The following KCNT1 variants were observed in gnomAD, a reference collection of about 807,000 sequenced individuals.
The protein encoded by KCNT1 is potassium sodium-activated channel subfamily T member 1, also known as potassium channel subfamily T member 1.
Under a neutral mutation model 147.8 loss-of-function variants are expected in KCNT1, and 78 were observed. The observed-to-expected ratio is 0.53, with a 90% CI of 0.44 to 0.64. KCNT1 has a LOEUF of 0.64. KCNT1 is among the 30% of genes least tolerant of loss of function. The pLI is 0.00. For synonymous variants in KCNT1, 867 were observed against 748.8 expected (o/e 1.16, Z -2.58); for missense variants, 1,419 against 1,750.3 (o/e 0.81, Z 3.38).
In KCNT1 at chr9:135,752,595, TGATG is replaced by T. The variant is rs1306168436; in HGVS notation, c.435-1332_435-1329del. On this transcript the variant is annotated intron_variant, in intron 4 of 30. Coordinates refer to ENST00000371757, the MANE Select transcript of KCNT1 (RefSeq NM_020822.3). This position sits in a 1 kb window ranked among gnomAD's most constrained non-coding sequence, Gnocchi z 5.1. ...GGATGGGGGTGGGAAGATGGGTGGA[TGATG>T]GATGGATGGTTGGATGGATGGTGGA... The T allele has an allele frequency of 2.5e-5, 9 of 354,368 alleles. No homozygotes were observed. Among genetic ancestry groups the T allele is most frequent in the South Asian group, 1.7e-4 (8 of 47,792 alleles). The allele number at this position is 354,368 out of a possible 1,614,324, so 22.0% of individuals were successfully genotyped here.
rs1375293898 is a variant in KCNT1 at position 135,714,570 on chromosome 9, C to G, written c.111-7C>G. ...GCGGGCTGAGGGGCGCTGGCGTGTG[C>G]CCGCAGGCGGCCCTGCGCGGGGGAC... On this transcript the variant is annotated splice_polypyrimidine_tract_variant and splice_region_variant and intron_variant, in intron 1 of 30. Transcript: ENST00000371757. This position sits in a 1 kb window ranked among gnomAD's most constrained non-coding sequence, Gnocchi z 6.2. The G allele has an allele frequency of 2.4e-6, 3 of 1,267,150 alleles. No individual in the cohort carries two copies. The South Asian group carries it at 5.5e-5, about 23-fold the overall frequency. The allele number at this position is 1,267,150 out of a possible 1,614,324, so 78.5% of individuals were successfully genotyped here. A position where few individuals can be genotyped will look rare whatever the true frequency, so the allele number is the denominator to read the frequency against.
intron 7 of KCNT1, 42 bp downstream of exon 7, chr9:135,756,974 CCCTCCCCACCCTCCCCAG>C (rs749258231): frequency 8.6e-6 from 7 of 818,610 alleles, no homozygotes; most frequent in Middle Eastern, 4.1e-4. Context: ...GGGGTCCCCA[CCCTCCCCACCCTCCCCAG>C]CCTCCCCCAC....
At chr9:135,782,518 G>A (rs1320246255) in intron 24 of KCNT1, among the ~76,000 whole-genome samples, 8 of 152,318 alleles carry the variant, frequency 5.3e-5, no homozygotes, top group Admixed American at 6.5e-5. Flanking sequence ...CGGGGGTCTC[G>A]TGCTCAGGAA....
chr9:135,759,953 C>T (rs559806732), intron 11 of KCNT1, 94 bp downstream of exon 11: 19 of 1,198,560 alleles, frequency 1.6e-5, no homozygotes, highest in African/African-American at 1.5e-4. Flanking sequence ...TGGCACAGTG[C>T]GGGGGCCACT....
chr9:135,702,492 G>A, intron 1 of KCNT1, 124 bp downstream of exon 1: 3 of 806,090 alleles, frequency 3.7e-6, no homozygotes, highest in Non-Finnish European at 6.1e-6. Context: ...ACTTCCCCAG[G>A]ACCCGCGAGT....
intron 9 of KCNT1, among the ~76,000 whole-genome samples, chr9:135,757,841 T>C (rs569927835): frequency 2.6e-5 from 4 of 152,096 alleles, no homozygotes; most frequent in Admixed American, 2.6e-4. Flanking sequence ...CAGCAGTCAG[T>C]TCCCTAGGCG....
chr9:135,773,810 G>A (rs1002512877), intron 19 of KCNT1, among the ~76,000 whole-genome samples: 7 of 152,254 alleles, frequency 4.6e-5, no homozygotes, highest in Non-Finnish European at 1.0e-4. Context: ...GGACGGGGTG[G>A]TGGCCTGCTG....
At chr9:135,774,801 A>G (rs1026272005) in intron 19 of KCNT1, among the ~76,000 whole-genome samples, 2 of 152,012 alleles carry the variant, frequency 1.3e-5, no homozygotes, top group African/African-American at 4.8e-5. Flanking sequence ...AGGGCTGACC[A>G]TGGGGGGGTC....
chr9:135,788,217 CACCGCCG>C, intron 29 of KCNT1: 2 of 1,429,122 alleles, frequency 1.4e-6, no homozygotes, highest in Middle Eastern at 3.5e-4. Flanking sequence ...GCCAACCCTT[CACCGCCG>C]GCAGCCTTGC....
At chr9:135,779,994 T>C (rs923496300) in intron 24 of KCNT1, among the ~76,000 whole-genome samples, 5 of 152,258 alleles carry the variant, frequency 3.3e-5, no homozygotes, top group African/African-American at 1.2e-4. Context: ...GGAAGGGGCC[T>C]GCCCCGGATC....
At chr9:135,736,069 T>C (rs1830324012) in intron 2 of KCNT1, among the ~76,000 whole-genome samples, 1 of 152,138 alleles carries the variant, frequency 6.6e-6, no homozygotes, top group South Asian at 2.1e-4. Context: ...CATCCCGGAG[T>C]GCCCCCATGG....
rs113887396 is a variant in KCNT1 at position 135,778,853 on chromosome 9, A to G, written c.2729+31A>G. 0.052 allele frequency: 72,884 copies of G among 1,413,554 alleles called. 6,418 individuals are homozygous for G. Among genetic ancestry groups the G allele is most frequent in the African/African-American group, 0.27 (14,708 of 55,224 alleles). 87.6% of individuals were successfully genotyped at this position (1,413,554 alleles called of 1,614,324 possible). ...TCCAGTGTCCGGGGCTCGGCTCTAA[A>G]CCACCCCACAGCCACGACCACGGGC... On this transcript the variant is annotated intron_variant, in intron 23 of 30. Coordinates refer to ENST00000371757, the MANE Select transcript of KCNT1 (RefSeq NM_020822.3).
chr9:135,724,149 A>T (rs916210517), intron 2 of KCNT1, among the ~76,000 whole-genome samples: 3 of 152,064 alleles, frequency 2.0e-5, no homozygotes, highest in African/African-American at 7.2e-5. Context: ...GCACAGGGGG[A>T]GGGCACCAAG....
intron 11 of KCNT1, among the ~76,000 whole-genome samples, chr9:135,760,089 C>T (rs1467228808): frequency 6.6e-6 from 1 of 152,152 alleles, no homozygotes; most frequent in African/African-American, 2.4e-5. Context: ...GAGCTGGCCT[C>T]TTCCTTCTGG....
At chr9:135,750,234 A>C in intron 3 of KCNT1, 57 bp downstream of exon 3, 1 of 1,424,688 alleles carries the variant, frequency 7.0e-7, no homozygotes. Context: ...GGGCGCCGGG[A>C]GCAAGCCTGG....
Position 135,714,541 on chromosome 9 carries a change from C to G in KCNT1, c.111-36C>G, listed in dbSNP as rs1434256628. 1.3e-5 allele frequency: 14 copies of G among 1,053,680 alleles called. No individual in the cohort carries two copies. The African/African-American group carries it at 1.9e-4, about 14-fold the overall frequency. 65.3% of individuals were successfully genotyped at this position (1,053,680 alleles called of 1,614,324 possible). A position where few individuals can be genotyped will look rare whatever the true frequency, so the allele number is the denominator to read the frequency against. On this transcript the variant is annotated intron_variant, in intron 1 of 30. Transcript: ENST00000371757. This position sits in a 1 kb window ranked among gnomAD's most constrained non-coding sequence, Gnocchi z 6.2. Reference sequence around the variant, plus strand: ...GGCTGCGCGCGTCCGCGAGGGCGCCCGACGCGGGCTGAGGGGCGCTGGCGT... The same window carrying G: ...GGCTGCGCGCGTCCGCGAGGGCGCCGGACGCGGGCTGAGGGGCGCTGGCGT...
chr9:135,771,922 C>T (rs779640695), intron 18 of KCNT1, among the ~76,000 whole-genome samples: 60 of 152,210 alleles, frequency 3.9e-4, no homozygotes, highest in Non-Finnish European at 7.5e-4. Context: ...CCAGCACGCC[C>T]ACCCTGGGGT....
chr9:135,746,368 G>A (rs951999103), intron 2 of KCNT1, among the ~76,000 whole-genome samples: 11 of 152,192 alleles, frequency 7.2e-5, no homozygotes, highest in Admixed American at 2.0e-4. Context: ...CCTAAGGGGG[G>A]CTCAGTGCTC....
intron 2 of KCNT1, among the ~76,000 whole-genome samples, chr9:135,731,623 C>T (rs1015835570): frequency 2.0e-5 from 3 of 152,124 alleles, no homozygotes; most frequent in Admixed American, 1.3e-4. Flanking sequence ...CGTTGGAGGA[C>T]ATCGCCCCTG....
Sources: allele counts gnomAD v4.1 joint callset (sites outside exome capture counted in the v4.1 genomes callset), GRCh38; gene constraint gnomAD v4.1.1; non-coding constraint Gnocchi (gnomAD v3.1); transcripts MANE v1.5; gene names NCBI Gene and HGNC (gene_info 2026-07-23, HGNC 2026-07-21).